The following SHISA9 variants were observed in gnomAD, a reference collection of about 807,000 sequenced individuals.
SHISA9 encodes shisa family member 9, also known as protein shisa-9.
In SHISA9, 13 loss-of-function variants were observed where a neutral mutation model predicts 38.0. The observed-to-expected ratio is 0.34, with a 90% CI of 0.22 to 0.54. The LOEUF (loss-of-function observed/expected upper bound fraction) is 0.54, where lower values mean the gene tolerates loss of function less well. Among genes scored for constraint, SHISA9 ranks in the 20% least tolerant of loss-of-function variants. The pLI is 0.91. For synonymous variants in SHISA9, 275 were observed against 242.0 expected (o/e 1.14, Z -1.27); for missense variants, 538 against 575.8 (o/e 0.93, Z 0.67).
chr16:13,336,586 G>T, the SHISA9 span, among the ~76,000 whole-genome samples: 1 of 152,152 alleles, frequency 6.6e-6, no homozygotes, highest in Non-Finnish European at 1.5e-5. Context: ...AAGAAGATAA[G>T]GAAATAACTC....
the SHISA9 span, among the ~76,000 whole-genome samples, chr16:13,489,537 T>C: frequency 6.6e-6 from 1 of 152,174 alleles, no homozygotes; most frequent in African/African-American, 2.4e-5. Flanking sequence ...AATTGAATCA[T>C]GGGTGCAGTT....
At chr16:13,366,940 G>A in the SHISA9 span, among the ~76,000 whole-genome samples, 547 of 142,178 alleles carry the variant, frequency 3.8e-3, 6 homozygotes, top group Middle Eastern at 0.012. Context: ...CTGAGATCTC[G>A]CCACTGCACT....
At chr16:13,164,620 G>A (rs771680044) in intron 2 of SHISA9, among the ~76,000 whole-genome samples, 3 of 151,998 alleles carry the variant, frequency 2.0e-5, no homozygotes, top group Non-Finnish European at 4.4e-5. Flanking sequence ...CCTAATGTGA[G>A]CATTTATGCT....
the SHISA9 span, among the ~76,000 whole-genome samples, chr16:13,456,839 A>T: frequency 8.9e-3 from 1,353 of 152,278 alleles, 19 homozygotes; most frequent in African/African-American, 0.031. Context: ...AGCTGGGGAT[A>T]CTCCATGCTT....
At chr16:13,141,441 C>T (rs761221062) in intron 2 of SHISA9, among the ~76,000 whole-genome samples, 14 of 151,942 alleles carry the variant, frequency 9.2e-5, no homozygotes, top group Non-Finnish European at 1.5e-4. Flanking sequence ...AATCCCAGCA[C>T]TTTGGGAGGC....
the SHISA9 span, among the ~76,000 whole-genome samples, chr16:13,482,302 TTACCTTTTCTGGATGCCAG>T: frequency 1.3e-5 from 2 of 152,256 alleles, no homozygotes; most frequent in Admixed American, 6.5e-5. Flanking sequence ...CTCCATACAA[TTACCTTTTCTGGATGCCAG>T]TAACCACCTC....
At chr16:13,350,158 A>T in the SHISA9 span, 56 of 152,364 alleles carry the variant, frequency 3.7e-4, no homozygotes, top group African/African-American at 1.3e-3. Flanking sequence ...GCAAGAGTGA[A>T]TTTGTTTTCT....
chr16:13,269,397 C>G, the SHISA9 span, among the ~76,000 whole-genome samples: 3 of 152,348 alleles, frequency 2.0e-5, no homozygotes, highest in Admixed American at 6.5e-5. Flanking sequence ...AATAAATCCT[C>G]CTCCATATTT....
At chr16:13,353,429 C>T in the SHISA9 span, among the ~76,000 whole-genome samples, 4 of 152,106 alleles carry the variant, frequency 2.6e-5, no homozygotes, top group East Asian at 1.9e-4. Context: ...AAGAGTTAAG[C>T]GTGGCAGTTT....
chr16:13,479,043 A>G, the SHISA9 span, among the ~76,000 whole-genome samples: 1 of 152,194 alleles, frequency 6.6e-6, no homozygotes, highest in Non-Finnish European at 1.5e-5. Context: ...TCATGGGGTG[A>G]AAATAAAGGT....
the SHISA9 span, among the ~76,000 whole-genome samples, chr16:13,330,497 C>T: frequency 1.3e-5 from 2 of 152,150 alleles, no homozygotes; most frequent in Admixed American, 6.5e-5. Context: ...TCTGGGATAG[C>T]GTTCCAGAGA....
At chr16:13,540,157 A>G in the SHISA9 span, among the ~76,000 whole-genome samples, 2 of 151,480 alleles carry the variant, frequency 1.3e-5, no homozygotes, top group Non-Finnish European at 2.9e-5. Flanking sequence ...TGTCCAGTGT[A>G]TATGTATACA....
chr16:12,976,180 C>G, intron 2 of SHISA9, among the ~76,000 whole-genome samples: 1 of 152,202 alleles, frequency 6.6e-6, no homozygotes. Flanking sequence ...CTCTGCTTCT[C>G]GGGTTCAAGA....
chr16:13,412,794 T>A, the SHISA9 span, among the ~76,000 whole-genome samples: 5 of 151,596 alleles, frequency 3.3e-5, no homozygotes, highest in Non-Finnish European at 7.4e-5. Flanking sequence ...GAGGCAGAGG[T>A]TGCAGTGAGC....
chr16:13,037,125 C>T (rs1018279760), intron 2 of SHISA9, among the ~76,000 whole-genome samples: 1 of 146,932 alleles, frequency 6.8e-6, no homozygotes, highest in Non-Finnish European at 1.5e-5. Context: ...CACACACACA[C>T]ACACACACAC....
the SHISA9 span, among the ~76,000 whole-genome samples, chr16:13,379,977 C>G: frequency 1.3e-5 from 2 of 151,894 alleles, no homozygotes; most frequent in South Asian, 2.1e-4. Flanking sequence ...TATGAAGGGC[C>G]TTTTATAACT....
At chr16:13,359,722 T>C in the SHISA9 span, among the ~76,000 whole-genome samples, 3 of 152,212 alleles carry the variant, frequency 2.0e-5, no homozygotes, top group Non-Finnish European at 4.4e-5. Context: ...ATGGGTCACT[T>C]CTTTTTTCTA....
intron 2 of SHISA9, among the ~76,000 whole-genome samples, chr16:13,029,761 C>T (rs1437797430): frequency 6.6e-6 from 1 of 152,160 alleles, no homozygotes; most frequent in African/African-American, 2.4e-5. Context: ...CAATTGAACC[C>T]ATCTCTCTTG....
intron 2 of SHISA9, among the ~76,000 whole-genome samples, chr16:13,027,927 C>CAAAAAAAAAAA: frequency 3.4e-5 from 1 of 29,406 alleles, no homozygotes; most frequent in Non-Finnish European, 6.2e-5. Context: ...AGCTCTGTCT[C>CAAAAAAAAAAA]AAAAACAAAA....
Sources: gnomAD v4.1 joint callset for allele counts (sites outside exome capture counted in the v4.1 genomes callset) on GRCh38, gnomAD v4.1.1 for gene constraint, MANE v1.5 for transcripts, NCBI Gene and HGNC (gene_info 2026-07-23, HGNC 2026-07-21) for gene names.